Variants in CSPG5 observed in about 807,000 individuals in gnomAD.
CSPG5 encodes acidic leucine-rich EGF-like domain-containing brain protein.
A neutral mutation model predicts 39.8 loss-of-function variants in CSPG5; 25 were observed. The observed-to-expected ratio is 0.63, with a 90% CI of 0.46 to 0.88. The LOEUF (loss-of-function observed/expected upper bound fraction) is 0.88, where lower values mean the gene tolerates loss of function less well. CSPG5 is among the 40% of genes least tolerant of loss of function. The pLI, the probability that CSPG5 is intolerant of heterozygous loss-of-function variation, is 0.00. For synonymous variants in CSPG5, 295 were observed against 303.9 expected, an observed-to-expected ratio of 0.97 and a Z score of 0.31; for missense variants, 627 against 702.2, an observed-to-expected ratio of 0.89 and a Z score of 1.21.
In CSPG5 at chr3:47,562,756, A is replaced by G; in HGVS notation, c.1464T>C (p.Asp488=). The stretch of plus-strand genomic sequence containing the variant: ...CCTGGATTTTGTGGGGAGCACTAGG[A>G]TCATCCTGGAAGAGGGAAAAAGTTG... ...TIAEGSHPND[D]PSAPHKIQEV... Residue 488 remains aspartate, a synonymous_variant, in exon 5 of 5, where the codon GAT becomes GAC. Coordinates refer to ENST00000264723, the MANE Select transcript of CSPG5 (RefSeq NM_006574.4). 1 of 1,609,084 alleles carries G rather than the reference A, an allele frequency of 6.2e-7. No individual in the cohort carries two copies. Among genetic ancestry groups the G allele is most frequent in the African/African-American group, 1.3e-5 (1 of 74,800 alleles).
chr3:47,564,358 G>A (rs539541562), intron 4 of CSPG5, among the ~76,000 whole-genome samples: 130 of 152,244 alleles, frequency 8.5e-4, no homozygotes, highest in Admixed American at 4.7e-3. Flanking sequence ...ACAGGACACC[G>A]GGGCATCCAT....
At chr3:47,566,904 G>A (rs985626952) in intron 4 of CSPG5, among the ~76,000 whole-genome samples, 4 of 152,100 alleles carry the variant, frequency 2.6e-5, no homozygotes, top group Non-Finnish European at 4.4e-5. Context: ...CACCGTGGCC[G>A]ACCACCACCC....
chr3:47,570,172 C>T (rs2031477043), intron 3 of CSPG5, among the ~76,000 whole-genome samples: 1 of 151,946 alleles, frequency 6.6e-6, no homozygotes, highest in Non-Finnish European at 1.5e-5. Context: ...TGGTAGTTGG[C>T]TGCACCTATC....
Position 47,578,309 on chromosome 3 carries a change from AGGCCCCGCCCC to A in CSPG5, c.97+277_97+287del, listed in dbSNP as rs1296316274. Among the ~76,000 whole-genome samples the A allele has an allele frequency of 4.8e-3, 659 of 138,430 alleles. 2 individuals carry two copies. Among genetic ancestry groups the A allele is most frequent in the Middle Eastern group, 0.02 (5 of 244 alleles). The allele number at this position is 138,430 out of a possible 152,430, so 90.8% of individuals were successfully genotyped here. ...GGTCCCGCCCCGAAGTCTCACCCTC[AGGCCCCGCCCC>A]GGCCCCGCCCCGGCCCCGCCCCCGG... On this transcript the variant is annotated intron_variant, in intron 1 of 4. Transcript: ENST00000264723. The surrounding 1 kb of genome is among the most constrained non-coding windows in gnomAD (Gnocchi z 6.0).
At position 47,578,047 on chromosome 3, in the gene CSPG5, C is replaced by G. The variant is rs1056027689; in HGVS notation, c.98-119G>C. The G allele has an allele frequency of 5.7e-5, 75 of 1,305,908 alleles. No homozygotes were observed. Among genetic ancestry groups the G allele is most frequent in the Non-Finnish European group, 7.2e-5 (74 of 1,030,162 alleles). The allele number at this position is 1,305,908 out of a possible 1,614,324, so 80.9% of individuals were successfully genotyped here. On this transcript the variant is annotated intron_variant, in intron 1 of 4. Coordinates refer to ENST00000264723, the MANE Select transcript of CSPG5 (RefSeq NM_006574.4). The surrounding 1 kb of genome is among the most constrained non-coding windows in gnomAD (Gnocchi z 6.0). Reference sequence around the variant, plus strand: ...CCTGGTCAACCCAGACCTCGCCACCCTCAGACCCCACCGCCCCAGTGTGAC... The same window carrying G: ...CCTGGTCAACCCAGACCTCGCCACCGTCAGACCCCACCGCCCCAGTGTGAC...
Position 47,566,957 on chromosome 3 carries a change from G to A in CSPG5, c.1458+2195C>T, listed in dbSNP as rs972775722. ...CCCTGCTCTGCTGTTTTCAAGGCTT[G>A]CCATCTTCTGAACTAAGGGTCAGTG... On this transcript the variant is annotated intron_variant, in intron 4 of 4. Coordinates refer to ENST00000264723, the MANE Select transcript of CSPG5 (RefSeq NM_006574.4). 6.6e-5 allele frequency among the ~76,000 whole-genome samples: 10 copies of A among 152,204 alleles called. No homozygotes were observed. The East Asian group carries it at 1.7e-3, about 26-fold the overall frequency.
intron 2 of CSPG5, among the ~76,000 whole-genome samples, chr3:47,573,735 G>A (rs1261458421): frequency 1.3e-5 from 2 of 152,174 alleles, no homozygotes; most frequent in South Asian, 2.1e-4. Context: ...CTCCAGAAAC[G>A]GGGAAATTAT....
Position 47,577,997 on chromosome 3 carries a change from C to T in CSPG5, c.98-69G>A. The T allele has an allele frequency of 7.3e-7, 1 of 1,362,358 alleles. No individual in the cohort carries two copies. The highest frequency in any genetic ancestry group is 3.8e-5 in the Admixed American group (1 of 26,332). 84.4% of individuals were successfully genotyped at this position (1,362,358 alleles called of 1,614,324 possible). On this transcript the variant is annotated intron_variant, in intron 1 of 4. Coordinates refer to ENST00000264723, the MANE Select transcript of CSPG5 (RefSeq NM_006574.4). The surrounding 1 kb of genome is among the most constrained non-coding windows in gnomAD (Gnocchi z 4.7). ...TGAGGAGCCCTGGAGCCCCGGCCCGCCCCGGTCAGGCCCGCTCGCCTAGAC... is the reference window on the plus strand; with the variant it reads ...TGAGGAGCCCTGGAGCCCCGGCCCGTCCCGGTCAGGCCCGCTCGCCTAGAC...
Position 47,578,497 on chromosome 3 carries a change from T to G in CSPG5, c.97+100A>C. On this transcript the variant is annotated intron_variant, in intron 1 of 4. Transcript: ENST00000264723. This position sits in a 1 kb window ranked among gnomAD's most constrained non-coding sequence, Gnocchi z 6.0. ...CGCGGCCAGGCGGTGCCCCGCCCCC[T>G]TGCCACAGCTCACAGCTCCACCTGT... 3.5e-6 allele frequency: 1 copy of G among 286,144 alleles called. No homozygotes were observed. The highest frequency in any genetic ancestry group is 5.7e-6 in the Non-Finnish European group (1 of 174,808). The allele number at this position is 286,144 out of a possible 1,614,324, so 17.7% of individuals were successfully genotyped here. A position where few individuals can be genotyped will look rare whatever the true frequency, so the allele number is the denominator to read the frequency against.
chr3:47,569,468 G>A (rs1157402343), intron 3 of CSPG5, among the ~76,000 whole-genome samples: 1 of 151,976 alleles, frequency 6.6e-6, no homozygotes, highest in African/African-American at 2.4e-5. Flanking sequence ...GCTGGGCGTG[G>A]TGGCAGGCGC....
Position 47,572,456 on chromosome 3 carries a change from G to C in CSPG5, c.1382+230C>G, listed in dbSNP as rs1273844201. Among the ~76,000 whole-genome samples, 1 of 152,210 alleles carries C rather than the reference G, an allele frequency of 6.6e-6. No individual in the cohort carries two copies. The highest frequency in any genetic ancestry group is 1.5e-5 in the Non-Finnish European group (1 of 68,046). On this transcript the variant is annotated intron_variant, in intron 3 of 4. Transcript: ENST00000264723. The surrounding 1 kb of genome is among the most constrained non-coding windows in gnomAD (Gnocchi z 4.5). The stretch of plus-strand genomic sequence containing the variant: ...GTGCAGGGTTTTGGGAAAGCTGCTG[G>C]ACAGTGGCAGTGTGCCACAGGGGCT...
rs1260710653 is a variant in CSPG5 at position 47,578,629 on chromosome 3, GC to G, written c.64del (p.Ala22ProfsTer25). On this transcript the variant is annotated frameshift_variant, in exon 1 of 5. Transcript: ENST00000264723. LOFTEE classifies it high-confidence loss of function. This position sits in a 1 kb window ranked among gnomAD's most constrained non-coding sequence, Gnocchi z 6.0. ...GGCCCCAGAGGCCAGGACCAGCGCGGCCCCCAGAAACAGCAGCAGTGGCGGC... is the reference window on the plus strand; with the variant it reads ...GGCCCCAGAGGCCAGGACCAGCGCGGCCCCAGAAACAGCAGCAGTGGCGGC... Reference protein sequence around the residue: ...GPPPLLLFLGAALVLASGAVP... With the variant: ...GPPPLLLFLGXALVLASGAVP... The G allele has an allele frequency of 1.0e-5, 12 of 1,163,466 alleles. No individual in the cohort carries two copies. The South Asian group carries it at 1.1e-4, about 11-fold the overall frequency. 72.1% of individuals were successfully genotyped at this position (1,163,466 alleles called of 1,614,324 possible).
Position 47,562,573 on chromosome 3 carries a change from C to A in CSPG5, c.*27G>T, listed in dbSNP as rs865994208. 4 of 1,596,000 alleles carry A rather than the reference C, an allele frequency of 2.5e-6. No individual in the cohort carries two copies. Among genetic ancestry groups the A allele is most frequent in the South Asian group, 1.1e-5 (1 of 89,588 alleles). Reference sequence around the variant, plus strand: ...TCTTCCCCTACCCCCCACCCACTACCCCCGCTTCCTCTCTTCTTGCTCTGC... The same window carrying A: ...TCTTCCCCTACCCCCCACCCACTACACCCGCTTCCTCTCTTCTTGCTCTGC... On this transcript the variant is annotated 3_prime_UTR_variant, in exon 5 of 5. Coordinates refer to ENST00000264723, the MANE Select transcript of CSPG5 (RefSeq NM_006574.4).
chr3:47,564,877 T>G (rs867473488), intron 4 of CSPG5, among the ~76,000 whole-genome samples: 16 of 152,126 alleles, frequency 1.1e-4, no homozygotes, highest in Middle Eastern at 6.8e-3. Context: ...TCTGTACTGT[T>G]TGGGGGAAAC....
rs1401455889 is a variant in CSPG5 at position 47,562,400 on chromosome 3, A to G, written c.*200T>C. ...CAGCACAGAAAAAACAACCCAATGT[A>G]TGCAATTCTGTTCAGTTTCTTTGCT... On this transcript the variant is annotated 3_prime_UTR_variant, in exon 5 of 5. Coordinates refer to ENST00000264723, the MANE Select transcript of CSPG5 (RefSeq NM_006574.4). The G allele has an allele frequency of 1.6e-5, 8 of 487,430 alleles. No individual in the cohort carries two copies. In the Admixed American group the frequency reaches 1.9e-4, roughly 11 times the overall value. The allele number at this position is 487,430 out of a possible 1,614,324, so 30.2% of individuals were successfully genotyped here.
In CSPG5 at chr3:47,562,484, G is replaced by GA; in HGVS notation, c.*115dup. The GA allele has an allele frequency of 9.3e-7, 1 of 1,078,954 alleles. No homozygotes were observed. Among genetic ancestry groups the GA allele is most frequent in the Non-Finnish European group, 1.3e-6 (1 of 756,748 alleles). The allele number at this position is 1,078,954 out of a possible 1,614,324, so 66.8% of individuals were successfully genotyped here. On this transcript the variant is annotated 3_prime_UTR_variant, in exon 5 of 5. Coordinates refer to ENST00000264723, the MANE Select transcript of CSPG5 (RefSeq NM_006574.4). Reference sequence around the variant, plus strand: ...TACATAAAAGCATGCCATGAGATCAGAAAAAGAAAAGAGTTTAACAAATGG... The same window carrying GA: ...TACATAAAAGCATGCCATGAGATCAGAAAAAAGAAAAGAGTTTAACAAATGG...
intron 2 of CSPG5, among the ~76,000 whole-genome samples, chr3:47,574,954 C>CA (rs1194914610): frequency 4.6e-5 from 7 of 151,480 alleles, no homozygotes; most frequent in African/African-American, 9.7e-5. Context: ...ACAACAACAA[C>CA]AAAAAAAAGA....
At chr3:47,571,255 G>A (rs913328459) in intron 3 of CSPG5, among the ~76,000 whole-genome samples, 9 of 152,334 alleles carry the variant, frequency 5.9e-5, no homozygotes, top group South Asian at 4.1e-4. Flanking sequence ...CCAGGCTTGG[G>A]AAAGAAAGAA....
At chr3:47,568,849 C>G (rs1448286318) in intron 4 of CSPG5, among the ~76,000 whole-genome samples, 1 of 152,136 alleles carries the variant, frequency 6.6e-6, no homozygotes, top group African/African-American at 2.4e-5. Context: ...GACCTCATCT[C>G]TACAAAAATT....
Sources: gnomAD v4.1 joint callset for allele counts (sites outside exome capture counted in the v4.1 genomes callset) on GRCh38, gnomAD v4.1.1 for gene constraint, Gnocchi (gnomAD v3.1) non-coding constraint, MANE v1.5 for transcripts, NCBI Gene and HGNC (gene_info 2026-07-23, HGNC 2026-07-21) for gene names.